Variants in SPATA6 observed in about 807,000 individuals in gnomAD.
SPATA6 encodes spermatogenesis associated 6.
SPATA6 carries 56 observed loss-of-function variants against 65.3 expected under a neutral mutation model. The observed-to-expected ratio is 0.86, with a 90% CI of 0.69 to 1.07. The LOEUF is 1.07. SPATA6 is among the 50% of genes least tolerant of loss of function. The pLI is 0.00. For missense variants in SPATA6, 590 were observed against 594.8 expected, an observed-to-expected ratio of 0.99 and a Z score of 0.08; for synonymous variants, 199 against 213.2, an observed-to-expected ratio of 0.93 and a Z score of 0.58.
chr1:48,264,940 CA>C, the SPATA6 span, among the ~76,000 whole-genome samples: 1 of 152,160 alleles, frequency 6.6e-6, no homozygotes, highest in Non-Finnish European at 1.5e-5. Context: ...GAGAAATCAC[CA>C]CACTGTCTTC....
rs78088303 is a variant in SPATA6, at chr1:48,340,960, C to G, written c.1194+14710G>C. Among the ~76,000 whole-genome samples, 506 of 152,268 alleles carry G rather than the reference C, an allele frequency of 3.3e-3. 2 individuals are homozygous for G. Among genetic ancestry groups the G allele is most frequent in the African/African-American group, 0.011 (477 of 41,560 alleles). ...TAGGTCAACAGACAAGAACAAAACA[C>G]TTTCTAAACCTATATGTATCCAATA... is the stretch of plus-strand genomic sequence containing the variant. On this transcript the variant is annotated intron_variant, in intron 11 of 12. Coordinates refer to ENST00000371847, the MANE Select transcript of SPATA6 (RefSeq NM_019073.4).
At chr1:48,393,771 C>A (rs187523427) in intron 8 of SPATA6, among the ~76,000 whole-genome samples, 4 of 152,208 alleles carry the variant, frequency 2.6e-5, no homozygotes, top group African/African-American at 9.6e-5. Flanking sequence ...TAAGTTCTCT[C>A]TTCCTCTCTT....
chr1:48,281,363 G>T, the SPATA6 span, among the ~76,000 whole-genome samples: 1 of 151,660 alleles, frequency 6.6e-6, no homozygotes, highest in East Asian at 1.9e-4. Flanking sequence ...GAAATAAAGG[G>T]TATTCAATTA....
intron 9 of SPATA6, among the ~76,000 whole-genome samples, chr1:48,375,772 T>C (rs1647819523): frequency 1.3e-5 from 2 of 152,144 alleles, no homozygotes; most frequent in Non-Finnish European, 2.9e-5. Context: ...CATGTATACA[T>C]ACTAGAACTT....
chr1:48,441,680 T>C (rs1655498645), intron 3 of SPATA6, among the ~76,000 whole-genome samples: 1 of 152,088 alleles, frequency 6.6e-6, no homozygotes, highest in African/African-American at 2.4e-5. Flanking sequence ...TTGGGGTCCT[T>C]ACTCAGACTC....
At chr1:48,470,001 T>G (rs1658113866) in intron 1 of SPATA6, among the ~76,000 whole-genome samples, 1 of 152,198 alleles carries the variant, frequency 6.6e-6, no homozygotes, top group Non-Finnish European at 1.5e-5. Context: ...ATCCAATGAT[T>G]TCCATCTAAG....
chr1:48,314,646 G>C (rs966989741), intron 11 of SPATA6, among the ~76,000 whole-genome samples: 1 of 152,076 alleles, frequency 6.6e-6, no homozygotes, highest in African/African-American at 2.4e-5. Context: ...AGAAGCAAGA[G>C]CAAACACATT....
chr1:48,373,732 C>G (rs1238751533), intron 9 of SPATA6, among the ~76,000 whole-genome samples: 3 of 152,224 alleles, frequency 2.0e-5, no homozygotes, highest in African/African-American at 7.2e-5. Flanking sequence ...GCACTTCTTA[C>G]ATGGCGGCAG....
At chr1:48,329,881 C>T (rs1645866642) in intron 11 of SPATA6, among the ~76,000 whole-genome samples, 1 of 152,164 alleles carries the variant, frequency 6.6e-6, no homozygotes, top group Non-Finnish European at 1.5e-5. Context: ...GGAGAATCAC[C>T]CCGTCACCCA....
At chr1:48,303,087 G>A (rs148406007) in intron 12 of SPATA6, among the ~76,000 whole-genome samples, 5 of 152,114 alleles carry the variant, frequency 3.3e-5, no homozygotes, top group African/African-American at 1.2e-4. Context: ...AGGTTATAAT[G>A]TCACAGACTC....
At chr1:48,469,220 A>G (rs888305922) in intron 1 of SPATA6, among the ~76,000 whole-genome samples, 1 of 152,232 alleles carries the variant, frequency 6.6e-6, no homozygotes, top group African/African-American at 2.4e-5. Context: ...TAGCAAAAAA[A>G]TAAAAAATTT....
At chr1:48,391,490 C>T (rs897772826) in intron 8 of SPATA6, among the ~76,000 whole-genome samples, 4 of 152,100 alleles carry the variant, frequency 2.6e-5, no homozygotes, top group Non-Finnish European at 5.9e-5. Flanking sequence ...TGTTAAAGCA[C>T]TCGTATGGCT....
chr1:48,421,386 C>T (rs558351392), intron 3 of SPATA6, among the ~76,000 whole-genome samples: 208 of 151,532 alleles, frequency 1.4e-3, no homozygotes, highest in African/African-American at 4.9e-3. Context: ...GTAACCAACA[C>T]AAAAAGAACA....
intron 11 of SPATA6, among the ~76,000 whole-genome samples, chr1:48,318,183 T>G (rs755832458): frequency 7.2e-5 from 11 of 152,146 alleles, no homozygotes; most frequent in Non-Finnish European, 4.4e-5. Flanking sequence ...ATAGCATACT[T>G]ATTTTTAAAG....
At chr1:48,392,546 G>A (rs887368839) in intron 8 of SPATA6, among the ~76,000 whole-genome samples, 15 of 152,188 alleles carry the variant, frequency 9.9e-5, no homozygotes, top group Admixed American at 2.6e-4. Flanking sequence ...AAAGTAGTAT[G>A]AGACTGGTAG....
At chr1:48,305,543 A>G (rs1020756555) in intron 12 of SPATA6, among the ~76,000 whole-genome samples, 12 of 152,172 alleles carry the variant, frequency 7.9e-5, no homozygotes, top group African/African-American at 2.9e-4. Context: ...ACACATTCTG[A>G]AGTATGTGAG....
In SPATA6 at chr1:48,472,025, G is replaced by A; in HGVS notation, c.-17C>T. ...CTTCGGCATCCGTGCGGGGAGGGGC[G>A]GCGGGGAGTGACCCCGGCCACGGGC... is the stretch of plus-strand genomic sequence containing the variant. On this transcript the variant is annotated 5_prime_UTR_variant, in exon 1 of 13. Coordinates refer to ENST00000371847, the MANE Select transcript of SPATA6 (RefSeq NM_019073.4). 2 of 1,520,924 alleles carry A rather than the reference G, an allele frequency of 1.3e-6. No individual in the cohort carries two copies. The highest frequency in any genetic ancestry group is 2.5e-5 in the East Asian group (1 of 39,360). The allele number at this position is 1,520,924 out of a possible 1,614,324, so 94.2% of individuals were successfully genotyped here.
chr1:48,378,399 G>A (rs1471201704), intron 9 of SPATA6, among the ~76,000 whole-genome samples: 1 of 152,196 alleles, frequency 6.6e-6, no homozygotes, highest in Non-Finnish European at 1.5e-5. Flanking sequence ...TAAATTGGAA[G>A]AACAGTACTT....
chr1:48,422,328 C>G (rs940096627), intron 3 of SPATA6, among the ~76,000 whole-genome samples: 1 of 152,136 alleles, frequency 6.6e-6, no homozygotes, highest in Non-Finnish European at 1.5e-5. Context: ...GGAGATGAAC[C>G]AGACATTGAA....
Sources: allele counts gnomAD v4.1 joint callset (sites outside exome capture counted in the v4.1 genomes callset), GRCh38; gene constraint gnomAD v4.1.1; transcripts MANE v1.5; gene names NCBI Gene and HGNC (gene_info 2026-07-23, HGNC 2026-07-21).